HS2ST1: variants seen among roughly 807,000 people sequenced by gnomAD.
HS2ST1 encodes heparan sulfate 2-O-sulfotransferase 1, also known as 2-O-sulfotransferase.
HS2ST1 carries 18 observed loss-of-function variants against 42.9 expected under a neutral mutation model. The observed-to-expected ratio is 0.42, with a 90% CI of 0.29 to 0.62. The LOEUF (loss-of-function observed/expected upper bound fraction) is 0.62. Ranked by LOEUF, HS2ST1 falls within the 20% of genes least tolerant of loss-of-function variation. HS2ST1 has a pLI of 0.21. For missense variants in HS2ST1, 334 were observed against 433.8 expected, an observed-to-expected ratio of 0.77 and a Z score of 2.04; for synonymous variants, 146 against 152.9, an observed-to-expected ratio of 0.95 and a Z score of 0.33.
chr1:87,054,960 T>C (rs942564303), intron 1 of HS2ST1, among the ~76,000 whole-genome samples: 2 of 152,208 alleles, frequency 1.3e-5, no homozygotes, highest in Non-Finnish European at 2.9e-5. Flanking sequence ...GCCCCCTTTA[T>C]ATTACAAAGC....
At chr1:87,011,793 T>C (rs1019452568) in intron 1 of HS2ST1, among the ~76,000 whole-genome samples, 1 of 152,240 alleles carries the variant, frequency 6.6e-6, no homozygotes, top group East Asian at 1.9e-4. Context: ...AAAAGTACTT[T>C]GTCAAAGTGA....
At chr1:86,991,171 T>C (rs2100560266) in intron 1 of HS2ST1, among the ~76,000 whole-genome samples, 1 of 151,996 alleles carries the variant, frequency 6.6e-6, no homozygotes. Flanking sequence ...TGGCTGCTCT[T>C]GGGGCTTGCT....
At chr1:87,069,361 G>A (rs755914364) in intron 1 of HS2ST1, among the ~76,000 whole-genome samples, 1 of 152,146 alleles carries the variant, frequency 6.6e-6, no homozygotes, top group Admixed American at 6.5e-5. Context: ...GGCATAACTA[G>A]TTAACTTTCT....
intron 1 of HS2ST1, among the ~76,000 whole-genome samples, chr1:86,974,112 G>A (rs1648318794): frequency 6.6e-6 from 1 of 152,066 alleles, no homozygotes; most frequent in Admixed American, 6.6e-5. Context: ...AATTTTTGGG[G>A]TGATAGTAGA....
chr1:87,101,288 C>G (rs1209987720), intron 5 of HS2ST1, among the ~76,000 whole-genome samples: 1 of 150,910 alleles, frequency 6.6e-6, no homozygotes, highest in African/African-American at 2.4e-5. Context: ...GCCTCAGCCT[C>G]CTGAGTAGCT....
Position 86,915,010 on chromosome 1 carries a change from A to G in HS2ST1, c.-27A>G, listed in dbSNP as rs970573803. ...GGTCCCGCTCCCCGCCCCCCGCGGT[A>G]TGTCTTGATCCCGAGCAGCGGGTTT... is the stretch of plus-strand genomic sequence containing the variant. On this transcript the variant is annotated 5_prime_UTR_variant, in exon 1 of 7. It removes an upstream start codon present in the reference 5' UTR. Transcript: ENST00000370550. 3 of 1,612,900 alleles carry G rather than the reference A, an allele frequency of 1.9e-6. No individual in the cohort carries two copies. Among genetic ancestry groups the G allele is most frequent in the Non-Finnish European group, 2.5e-6 (3 of 1,179,554 alleles).
intron 1 of HS2ST1, among the ~76,000 whole-genome samples, chr1:86,944,872 A>G (rs1009362454): frequency 6.6e-6 from 1 of 150,588 alleles, no homozygotes; most frequent in Non-Finnish European, 1.5e-5. Context: ...TCATGAAGCA[A>G]CTCCTGGGTA....
At chr1:87,010,658 A>G (rs958692524) in intron 1 of HS2ST1, among the ~76,000 whole-genome samples, 6 of 152,164 alleles carry the variant, frequency 3.9e-5, no homozygotes, top group Non-Finnish European at 8.8e-5. Context: ...TCATTTGGCT[A>G]TAAATTTGAA....
At chr1:87,067,216 C>T (rs544044883) in intron 1 of HS2ST1, among the ~76,000 whole-genome samples, 244 of 152,326 alleles carry the variant, frequency 1.6e-3, no homozygotes, top group African/African-American at 5.6e-3. Flanking sequence ...TATTTCTCCA[C>T]GTCCTCTCCA....
intron 1 of HS2ST1, among the ~76,000 whole-genome samples, chr1:87,057,562 G>A (rs996288302): frequency 9.0e-6 from 1 of 110,750 alleles, no homozygotes; most frequent in South Asian, 4.0e-4. Flanking sequence ...CACCCAGAAG[G>A]CACTTTTTTT....
At chr1:86,992,333 G>A (rs1355062303) in intron 1 of HS2ST1, among the ~76,000 whole-genome samples, 4 of 151,886 alleles carry the variant, frequency 2.6e-5, no homozygotes, top group Non-Finnish European at 4.4e-5. Context: ...TGGGTTACTT[G>A]GAGTTTGTAA....
intron 1 of HS2ST1, among the ~76,000 whole-genome samples, chr1:86,988,951 C>T (rs1270958689): frequency 6.6e-5 from 10 of 152,196 alleles, no homozygotes; most frequent in Admixed American, 6.5e-5. Context: ...TCTGTATCAC[C>T]CCGTATTCCT....
intron 1 of HS2ST1, among the ~76,000 whole-genome samples, chr1:86,915,842 A>G (rs1250173385): frequency 6.6e-6 from 1 of 152,152 alleles, no homozygotes; most frequent in Non-Finnish European, 1.5e-5. Flanking sequence ...TAAACTGATG[A>G]ATTGGGGCTT....
At chr1:86,992,554 G>A (rs1001109333) in intron 1 of HS2ST1, among the ~76,000 whole-genome samples, 5 of 151,956 alleles carry the variant, frequency 3.3e-5, no homozygotes, top group African/African-American at 1.2e-4. Context: ...TAGAGACGGG[G>A]TTTCTCCATG....
chr1:87,028,782 A>G (rs1315399242), intron 1 of HS2ST1, among the ~76,000 whole-genome samples: 1 of 152,230 alleles, frequency 6.6e-6, no homozygotes, highest in Non-Finnish European at 1.5e-5. Flanking sequence ...TGACTAGTGT[A>G]AAAACGGAAA....
At chr1:86,950,585 A>G (rs1053628462) in intron 1 of HS2ST1, among the ~76,000 whole-genome samples, 7 of 152,220 alleles carry the variant, frequency 4.6e-5, no homozygotes, top group African/African-American at 1.7e-4. Flanking sequence ...TTCTGATTAC[A>G]TAGGAAAATA....
chr1:86,963,608 C>T (rs914578021), intron 1 of HS2ST1, among the ~76,000 whole-genome samples: 12 of 152,306 alleles, frequency 7.9e-5, no homozygotes, highest in African/African-American at 2.9e-4. Context: ...CCCACGTTTC[C>T]CCCTTTTCTA....
intron 1 of HS2ST1, among the ~76,000 whole-genome samples, chr1:87,021,903 T>G (rs1649963508): frequency 6.6e-6 from 1 of 152,258 alleles, no homozygotes; most frequent in African/African-American, 2.4e-5. Context: ...TTCTCATTTA[T>G]TTTATGCCAA....
intron 5 of HS2ST1, among the ~76,000 whole-genome samples, chr1:87,101,294 T>C (rs1305295836): frequency 2.6e-5 from 4 of 151,148 alleles, no homozygotes; most frequent in African/African-American, 9.7e-5. Flanking sequence ...GCCTCCTGAG[T>C]AGCTGGGATT....
Sources: gnomAD v4.1 joint callset for allele counts (sites outside exome capture counted in the v4.1 genomes callset) on GRCh38, gnomAD v4.1.1 for gene constraint, MANE v1.5 for transcripts, NCBI Gene and HGNC (gene_info 2026-07-23, HGNC 2026-07-21) for gene names.